The following TBC1D22A variants were observed in gnomAD, a reference collection of about 807,000 sequenced individuals.
TBC1D22A encodes the protein TBC1 domain family member 22A.
A neutral mutation model predicts 60.2 loss-of-function variants in TBC1D22A; 38 were observed. That is an observed-to-expected ratio of 0.63 (90% confidence interval 0.49 to 0.83). The LOEUF (loss-of-function observed/expected upper bound fraction) is 0.83. Among genes scored for constraint, TBC1D22A ranks in the 40% least tolerant of loss-of-function variants. The pLI is 0.00. For missense variants in TBC1D22A, 628 were observed against 701.0 expected (o/e 0.90, Z 1.18); for synonymous variants, 302 against 281.7 (o/e 1.07, Z -0.72).
intron 4 of TBC1D22A, among the ~76,000 whole-genome samples, chr22:46,842,872 G>A (rs914063066): frequency 1.3e-5 from 2 of 152,232 alleles, no homozygotes; most frequent in African/African-American, 2.4e-5. Context: ...CATCACAGTT[G>A]AATGGAGCAG....
intron 5 of TBC1D22A, among the ~76,000 whole-genome samples, chr22:46,885,234 G>A (rs947150921): frequency 2.6e-5 from 4 of 152,262 alleles, no homozygotes; most frequent in East Asian, 1.9e-4. Flanking sequence ...CTTAGCATGC[G>A]GATTTGTCCC....
In TBC1D22A at chr22:47,174,962, T is replaced by C. The variant is rs1317186780; in HGVS notation, c.*1336T>C. 2.6e-5 allele frequency: 4 copies of C among 152,120 alleles called. No homozygotes were observed. The highest frequency in any genetic ancestry group is 4.4e-5 in the Non-Finnish European group (3 of 68,040). The allele number at this position is 152,120 out of a possible 1,614,324, so 9.4% of individuals were successfully genotyped here. On this transcript the variant is annotated 3_prime_UTR_variant, in exon 13 of 13. Coordinates refer to ENST00000337137, the MANE Select transcript of TBC1D22A (RefSeq NM_014346.5). Reference sequence around the variant, plus strand: ...AATGCGGGCAGGGCCACAGCCACAGTCTGTCTGATCCCTGAGCCCAGGACA... The same window carrying C: ...AATGCGGGCAGGGCCACAGCCACAGCCTGTCTGATCCCTGAGCCCAGGACA...
chr22:46,918,664 G>A (rs551283084), intron 8 of TBC1D22A, among the ~76,000 whole-genome samples: 3 of 152,340 alleles, frequency 2.0e-5, no homozygotes, highest in South Asian at 4.1e-4. Flanking sequence ...GCATTTGATA[G>A]TGGGGATCTT....
In TBC1D22A at chr22:47,102,319, C is replaced by T. The variant is rs111245098; in HGVS notation, c.1330-9189C>T. ...GAGTCAGCCAGTGCTCATCCCACAG[C>T]CCCGGGGGCTTCTCCACGCCACAGC... On this transcript the variant is annotated intron_variant, in intron 11 of 12. Transcript: ENST00000337137. Among the ~76,000 whole-genome samples the T allele has an allele frequency of 3.0e-4, 45 of 152,278 alleles. 1 individual carries two copies. Among genetic ancestry groups the T allele is most frequent in the Admixed American group, 2.3e-3 (35 of 15,312 alleles).
intron 8 of TBC1D22A, among the ~76,000 whole-genome samples, chr22:46,950,784 C>T (rs1015043054): frequency 1.2e-4 from 19 of 152,132 alleles, no homozygotes; most frequent in African/African-American, 1.9e-4. Flanking sequence ...CTTGCGTCTC[C>T]GGGATGGATG....
intron 4 of TBC1D22A, among the ~76,000 whole-genome samples, chr22:46,828,529 G>A (rs2086170661): frequency 6.6e-6 from 1 of 152,226 alleles, no homozygotes; most frequent in South Asian, 2.1e-4. Flanking sequence ...GGCCGCTTTG[G>A]GAGTCTCCCG....
chr22:47,093,574 A>T (rs4823464), intron 11 of TBC1D22A, among the ~76,000 whole-genome samples: 2 of 151,832 alleles, frequency 1.3e-5, no homozygotes, highest in African/African-American at 4.8e-5. Context: ...TTCCCAGTGC[A>T]TGTTGATTTT....
At chr22:47,091,014 T>C (rs1162972526) in intron 11 of TBC1D22A, among the ~76,000 whole-genome samples, 1 of 128,108 alleles carries the variant, frequency 7.8e-6, no homozygotes, top group Non-Finnish European at 1.6e-5. Context: ...TGGCTGCTTG[T>C]TGATAGAGAC....
intron 12 of TBC1D22A, among the ~76,000 whole-genome samples, chr22:47,159,006 ACCT>A (rs978975118): frequency 6.9e-6 from 1 of 145,958 alleles, no homozygotes; most frequent in African/African-American, 2.7e-5. Flanking sequence ...CACAGATAAC[ACCT>A]CACCATATAT....
chr22:47,173,262 G>C (rs1256961117), intron 12 of TBC1D22A, among the ~76,000 whole-genome samples: 3 of 152,156 alleles, frequency 2.0e-5, no homozygotes, highest in Non-Finnish European at 4.4e-5. Context: ...TTCTGGGGTT[G>C]AGCAGGGAGC....
chr22:47,137,810 GGAGTCGGGAGTGGA>G (rs1165153410), intron 12 of TBC1D22A, among the ~76,000 whole-genome samples: 2 of 152,182 alleles, frequency 1.3e-5, no homozygotes, highest in Non-Finnish European at 2.9e-5. Context: ...CTGCCAGTGG[GGAGTCGGGAGTGGA>G]GAGTAGGGAG....
At chr22:46,802,386 C>T (rs2084935432) in intron 4 of TBC1D22A, among the ~76,000 whole-genome samples, 1 of 146,592 alleles carries the variant, frequency 6.8e-6, no homozygotes, top group Admixed American at 6.8e-5. Flanking sequence ...TTGGCTGTTT[C>T]TGGGGCGAGA....
At chr22:46,897,646 T>TTG (rs2068754143) in intron 7 of TBC1D22A, among the ~76,000 whole-genome samples, 6 of 110,262 alleles carry the variant, frequency 5.4e-5, no homozygotes, top group African/African-American at 2.3e-4. Context: ...TTTTGTTTTT[T>TTG]TTTGTGTTTT....
intron 4 of TBC1D22A, among the ~76,000 whole-genome samples, chr22:46,872,731 A>G (rs992741867): frequency 1.2e-4 from 18 of 152,244 alleles, no homozygotes; most frequent in Non-Finnish European, 5.9e-5. Context: ...AGAATCATAT[A>G]TGGAGCAGAG....
At chr22:46,876,093 C>T (rs138283860) in intron 4 of TBC1D22A, among the ~76,000 whole-genome samples, 50 of 152,268 alleles carry the variant, frequency 3.3e-4, no homozygotes, top group African/African-American at 1.2e-3. Flanking sequence ...ATTAAAGTGG[C>T]GACGTCACAG....
chr22:46,997,216 C>T (rs1008027369), intron 9 of TBC1D22A, among the ~76,000 whole-genome samples: 46 of 152,240 alleles, frequency 3.0e-4, no homozygotes, highest in Non-Finnish European at 5.7e-4. Flanking sequence ...CTGTCAGCAC[C>T]GGGCACCTTT....
intron 12 of TBC1D22A, among the ~76,000 whole-genome samples, chr22:47,120,928 A>G (rs1569458602): frequency 6.6e-6 from 1 of 152,264 alleles, no homozygotes; most frequent in Admixed American, 6.5e-5. Flanking sequence ...TTTAAGCACA[A>G]CATAGAAGTT....
intron 11 of TBC1D22A, among the ~76,000 whole-genome samples, chr22:47,045,868 A>T (rs131902): frequency 0.69 from 104,551 of 151,368 alleles, 36,666 homozygotes; most frequent in East Asian, 0.92. Context: ...ATGCTCCTTC[A>T]GGTGGCTGCA....
At chr22:47,162,290 C>T (rs904105408) in intron 12 of TBC1D22A, among the ~76,000 whole-genome samples, 14 of 151,902 alleles carry the variant, frequency 9.2e-5, no homozygotes, top group Admixed American at 2.6e-4. Context: ...AAGGCTTTCC[C>T]GCCTCTGAGG....
Sources: allele counts gnomAD v4.1 joint callset (sites outside exome capture counted in the v4.1 genomes callset), GRCh38; gene constraint gnomAD v4.1.1; transcripts MANE v1.5; gene names NCBI Gene and HGNC (gene_info 2026-07-23, HGNC 2026-07-21).